Variants in RBFOX1 observed in about 807,000 individuals in gnomAD.
RBFOX1 encodes RNA binding protein fox-1 homolog 1.
RBFOX1 carries 8 observed loss-of-function variants against 57.7 expected under a neutral mutation model. That is an observed-to-expected ratio of 0.14 (90% confidence interval 0.08 to 0.25). The LOEUF is 0.25. RBFOX1 is among the 10% of genes least tolerant of loss of function. The pLI is 1.00. For synonymous variants in RBFOX1, 326 were observed against 222.4 expected (o/e 1.47, Z -4.15); for missense variants, 611 against 548.5 (o/e 1.11, Z -1.14).
chr16:6,011,520 T>C (rs1294108689), intron 4 of RBFOX1, among the ~76,000 whole-genome samples: 1 of 152,226 alleles, frequency 6.6e-6, no homozygotes, highest in African/African-American at 2.4e-5. Flanking sequence ...CAGTTTTCCT[T>C]ATCTGTAAAA....
intron 3 of RBFOX1, among the ~76,000 whole-genome samples, chr16:6,733,813 G>A (rs17670101): frequency 0.14 from 21,767 of 152,168 alleles, 1,837 homozygotes; most frequent in Non-Finnish European, 0.17. Flanking sequence ...TACCATCTCT[G>A]TGACTTGCTG....
intron 3 of RBFOX1, among the ~76,000 whole-genome samples, chr16:6,914,272 A>G (rs1321056965): frequency 1.3e-5 from 2 of 152,202 alleles, no homozygotes; most frequent in African/African-American, 4.8e-5. Flanking sequence ...GCAAAAGAAA[A>G]TAATCATTAT....
intron 3 of RBFOX1, among the ~76,000 whole-genome samples, chr16:6,953,835 G>A (rs2081249227): frequency 6.6e-6 from 1 of 152,106 alleles, no homozygotes; most frequent in African/African-American, 2.4e-5. Flanking sequence ...AATAACTCTT[G>A]GATACCTGAC....
intron 11 of RBFOX1, among the ~76,000 whole-genome samples, chr16:7,651,438 C>A (rs1176745623): frequency 4.6e-5 from 7 of 152,206 alleles, no homozygotes; most frequent in Non-Finnish European, 1.0e-4. Flanking sequence ...CCCGTCCAAC[C>A]TCCTTGGTCG....
chr16:7,495,786 CT>C (rs933139836), intron 4 of RBFOX1, among the ~76,000 whole-genome samples: 13 of 152,316 alleles, frequency 8.5e-5, no homozygotes, highest in Admixed American at 7.2e-4. Context: ...GCACCAAAAT[CT>C]CAGAAATCCG....
chr16:5,679,399 A>G (rs1447165300), intron 3 of RBFOX1, among the ~76,000 whole-genome samples: 1 of 151,730 alleles, frequency 6.6e-6, no homozygotes, highest in African/African-American at 2.4e-5. Context: ...GGTTTGTTAT[A>G]TAGGTATACA....
At position 6,692,320 on chromosome 16, in the gene RBFOX1, G is replaced by A. The variant is rs1007868455; in HGVS notation, c.-16+37670G>A. On this transcript the variant is annotated intron_variant, in intron 3 of 15. Coordinates refer to ENST00000550418, the MANE Select transcript of RBFOX1 (RefSeq NM_018723.4). ...TCTCTAACATTAAAGAGCAGATGTC[G>A]TTTTCACTAAGTGTTTCATCTTCTT... Among the ~76,000 whole-genome samples, 36 of 98,776 alleles carry A rather than the reference G, an allele frequency of 3.6e-4. No individual in the cohort carries two copies. The Admixed American group carries it at 4.1e-3, about 11-fold the overall frequency. 64.8% of individuals were successfully genotyped at this position (98,776 alleles called of 152,430 possible). A position where few individuals can be genotyped will look rare whatever the true frequency, so the allele number is the denominator to read the frequency against.
At chr16:5,435,232 G>T (rs139544084) in intron 1 of RBFOX1, among the ~76,000 whole-genome samples, 401 of 152,258 alleles carry the variant, frequency 2.6e-3, no homozygotes, top group African/African-American at 9.1e-3. Context: ...CTCCATATGC[G>T]TCTATGAAGA....
intron 3 of RBFOX1, among the ~76,000 whole-genome samples, chr16:6,698,153 C>A (rs181304864): frequency 6.6e-6 from 1 of 152,180 alleles, no homozygotes; most frequent in Non-Finnish European, 1.5e-5. Context: ...CAGAAATCCA[C>A]TTATATTTCT....
intron 2 of RBFOX1, among the ~76,000 whole-genome samples, chr16:6,531,444 A>T (rs751772047): frequency 2.0e-5 from 3 of 152,194 alleles, no homozygotes; most frequent in Non-Finnish European, 2.9e-5. Context: ...CCTAAGACCT[A>T]TGGATGTCCT....
At chr16:5,885,319 T>TAAA (rs58317550) in intron 4 of RBFOX1, among the ~76,000 whole-genome samples, 3 of 125,024 alleles carry the variant, frequency 2.4e-5, no homozygotes, top group Non-Finnish European at 3.4e-5. Flanking sequence ...CCTGGAGGCT[T>TAAA]AAAAAAAAAA....
rs143165191 is a variant in RBFOX1 at position 7,267,635 on chromosome 16, A to G, written c.27+215537A>G. ...TTTGGGAGGCTGAGGTGGGCGGATC[A>G]CTTGAGGTCAGGAGTTCGAGACCAG... On this transcript the variant is annotated intron_variant, in intron 4 of 15. Transcript: ENST00000550418. Among the ~76,000 whole-genome samples, 1,267 of 151,178 alleles carry G rather than the reference A, an allele frequency of 8.4e-3. 19 individuals carry two copies. The highest frequency in any genetic ancestry group is 0.029 in the African/African-American group (1,186 of 41,242).
intron 3 of RBFOX1, among the ~76,000 whole-genome samples, chr16:6,865,305 G>T (rs528860813): frequency 3.9e-5 from 6 of 152,102 alleles, no homozygotes; most frequent in African/African-American, 1.4e-4. Flanking sequence ...GCCCGACCTG[G>T]AGTGGGTTTT....
intron 2 of RBFOX1, chr16:6,483,672 A>T: frequency 9.9e-6 from 5 of 507,324 alleles, no homozygotes; most frequent in African/African-American, 7.4e-5. Flanking sequence ...ACTCCGCGGG[A>T]GGGGGTTGCA....
intron 3 of RBFOX1, among the ~76,000 whole-genome samples, chr16:6,878,880 A>C (rs1664818561): frequency 6.6e-6 from 1 of 152,182 alleles, no homozygotes; most frequent in Admixed American, 6.5e-5. Flanking sequence ...CTAATCTTTG[A>C]TAGTTCTCCC....
chr16:7,702,369 C>G (rs1284696018), intron 14 of RBFOX1, among the ~76,000 whole-genome samples: 2 of 152,162 alleles, frequency 1.3e-5, no homozygotes, highest in Non-Finnish European at 2.9e-5. Flanking sequence ...CCCCAAGAAG[C>G]TGAGGGGACC....
rs144345762 is a variant in RBFOX1, at chr16:7,062,065, C to T, written c.27+9967C>T. ...GGGTGTGGTGGCTCACACCTGTAAT[C>T]CCAGCACTTTGGGAGGCTGAGGTGG... On this transcript the variant is annotated intron_variant, in intron 4 of 15. Coordinates refer to ENST00000550418, the MANE Select transcript of RBFOX1 (RefSeq NM_018723.4). 8.5e-3 allele frequency among the ~76,000 whole-genome samples: 1,293 copies of T among 152,040 alleles called. 6 individuals carry two copies. Among genetic ancestry groups the T allele is most frequent in the Non-Finnish European group, 0.014 (951 of 67,962 alleles).
rs1179703271 is a variant in RBFOX1, at chr16:7,220,840, T to G, written c.27+168742T>G. On this transcript the variant is annotated intron_variant, in intron 4 of 15. Coordinates refer to ENST00000550418, the MANE Select transcript of RBFOX1 (RefSeq NM_018723.4). The stretch of plus-strand genomic sequence containing the variant: ...TTCCATGGGATTCTCTTGATCTCTA[T>G]CCACCCTTAACATCCCATCCTACTT... Among the ~76,000 whole-genome samples, 3 of 152,082 alleles carry G rather than the reference T, an allele frequency of 2.0e-5. No individual in the cohort carries two copies. In the East Asian group the frequency reaches 5.8e-4, roughly 29 times the overall value.
chr16:7,243,949 A>T (rs997122119), intron 4 of RBFOX1, among the ~76,000 whole-genome samples: 1 of 148,094 alleles, frequency 6.8e-6, no homozygotes, highest in African/African-American at 2.6e-5. Context: ...AAACCTCTGA[A>T]GTCACATACA....
Sources: gnomAD v4.1 joint callset for allele counts (sites outside exome capture counted in the v4.1 genomes callset) on GRCh38, gnomAD v4.1.1 for gene constraint, MANE v1.5 for transcripts, NCBI Gene and HGNC (gene_info 2026-07-23, HGNC 2026-07-21) for gene names.